The following SNX31 variants were observed in gnomAD, a reference collection of about 807,000 sequenced individuals.
SNX31 encodes the protein sorting nexin 31, also known as sorting nexin-31.
Under a neutral mutation model 65.4 loss-of-function variants are expected in SNX31, and 58 were observed. The ratio of observed to expected loss-of-function variants is 0.89; its 90% CI spans 0.72 to 1.10. SNX31 has a LOEUF of 1.10. Among genes scored for constraint, SNX31 ranks in the 50% least tolerant of loss-of-function variants. The pLI is 0.00. For synonymous variants in SNX31, 181 were observed against 190.1 expected, an observed-to-expected ratio of 0.95 and a Z score of 0.39; for missense variants, 523 against 529.7, an observed-to-expected ratio of 0.99 and a Z score of 0.12.
At chr8:100,653,706 G>A (rs1187498329), upstream of SNX31, among the ~76,000 whole-genome samples, 1 of 152,178 alleles carries the variant, frequency 6.6e-6, no homozygotes, top group Non-Finnish European at 1.5e-5. Flanking sequence ...CCCAGTTTGA[G>A]GCACTTTGTT....
intron 7 of SNX31, among the ~76,000 whole-genome samples, chr8:100,611,401 A>G (rs1163339924): frequency 6.6e-6 from 1 of 152,000 alleles, no homozygotes; most frequent in East Asian, 1.9e-4. Flanking sequence ...TTGTTCGCCT[A>G]TCAGTAGAGA....
intron 1 of SNX31, among the ~76,000 whole-genome samples, chr8:100,659,097 G>C (rs1350282806): frequency 1.3e-5 from 2 of 152,098 alleles, no homozygotes; most frequent in Non-Finnish European, 2.9e-5. Context: ...TGTAATACCA[G>C]CACTTTGGGA....
rs1208969301 is a variant in SNX31, at chr8:100,625,027, T to C, written c.321+5300A>G. Among the ~76,000 whole-genome samples, 1 of 152,062 alleles carries C rather than the reference T, an allele frequency of 6.6e-6. No individual in the cohort carries two copies. Among genetic ancestry groups the C allele is most frequent in the Non-Finnish European group, 1.5e-5 (1 of 68,012 alleles). On this transcript the variant is annotated intron_variant, in intron 4 of 13. Transcript: ENST00000311812. This position sits in a 1 kb window ranked among gnomAD's most constrained non-coding sequence, Gnocchi z 4.2. The stretch of plus-strand genomic sequence containing the variant: ...AGTCTCACTATGTTGCCCAGGCTGG[T>C]CTTCAACTCCTGGCCTCAAGTAATT...
At chr8:100,592,905 G>A (rs1246628961) in intron 10 of SNX31, among the ~76,000 whole-genome samples, 1 of 152,166 alleles carries the variant, frequency 6.6e-6, no homozygotes, top group Admixed American at 6.5e-5. Context: ...TATACGGGTC[G>A]GAGTTAGCTC....
chr8:100,653,812 G>C (rs763479640), upstream of SNX31, among the ~76,000 whole-genome samples: 13 of 152,242 alleles, frequency 8.5e-5, no homozygotes, highest in Non-Finnish European at 1.5e-4. Flanking sequence ...GTGCGCATCT[G>C]TGGAGAATGG....
chr8:100,648,266 G>GCAAA lies in SNX31; in HGVS notation c.141+1004_141+1007dup, dbSNP rs149400218. On this transcript the variant is annotated intron_variant, in intron 2 of 13. Coordinates refer to ENST00000311812, the MANE Select transcript of SNX31 (RefSeq NM_152628.4). The surrounding 1 kb of genome is among the most constrained non-coding windows in gnomAD (Gnocchi z 4.3). ...GTCTGAAAAAACTCTCTCAAAACAA[G>GCAAA]CAAACAAACAAAAACAGCTGTTACC... 0.092 allele frequency among the ~76,000 whole-genome samples: 13,724 copies of GCAAA among 148,444 alleles called. 704 individuals carry two copies. Among genetic ancestry groups the GCAAA allele is most frequent in the African/African-American group, 0.11 (4,308 of 40,480 alleles).
chr8:100,611,378 A>G (rs1315288760), intron 7 of SNX31, among the ~76,000 whole-genome samples: 1 of 151,978 alleles, frequency 6.6e-6, no homozygotes, highest in Non-Finnish European at 1.5e-5. Flanking sequence ...CCTGGTTTTC[A>G]AGTCTTACTT....
chr8:100,576,994 C>A lies in SNX31; in HGVS notation c.1227+25G>T. ...CAGATTTATCAAAATTATAATGTACCAATTACATAATTTTACTCACAGACC... is the reference window on the plus strand; with the variant it reads ...CAGATTTATCAAAATTATAATGTACAAATTACATAATTTTACTCACAGACC... On this transcript the variant is annotated intron_variant, in intron 13 of 13. Coordinates refer to ENST00000311812, the MANE Select transcript of SNX31 (RefSeq NM_152628.4). This position sits in a 1 kb window ranked among gnomAD's most constrained non-coding sequence, Gnocchi z 4.8. 1 of 1,575,220 alleles carries A rather than the reference C, an allele frequency of 6.3e-7. No homozygotes were observed. The highest frequency in any genetic ancestry group is 8.7e-7 in the Non-Finnish European group (1 of 1,147,734).
At chr8:100,651,198 T>G (rs966975430), upstream of SNX31, among the ~76,000 whole-genome samples, 15 of 152,206 alleles carry the variant, frequency 9.9e-5, no homozygotes, top group Non-Finnish European at 1.5e-4. Context: ...CTCTACTTAC[T>G]TCAAGGGAAT....
At chr8:100,657,500 G>T (rs1820070910) in intron 1 of SNX31, among the ~76,000 whole-genome samples, 1 of 151,866 alleles carries the variant, frequency 6.6e-6, no homozygotes, top group Admixed American at 6.6e-5. Flanking sequence ...AAAAGGGAGG[G>T]AAGGGAGCCC....
chr8:100,582,819 A>C (rs1225616590), intron 12 of SNX31, among the ~76,000 whole-genome samples: 2 of 151,304 alleles, frequency 1.3e-5, no homozygotes, highest in African/African-American at 4.8e-5. Flanking sequence ...CTACTAAAAA[A>C]AAAAATACAA....
In SNX31 at chr8:100,640,920, A is replaced by C. The variant is rs563482635; in HGVS notation, c.142-4909T>G. Among the ~76,000 whole-genome samples the C allele has an allele frequency of 2.0e-4, 30 of 152,310 alleles. No individual in the cohort carries two copies. The East Asian group carries it at 5.2e-3, about 26-fold the overall frequency. On this transcript the variant is annotated intron_variant, in intron 2 of 13. Transcript: ENST00000311812. ...GAAATAGGACATTAGGTAAACACTA[A>C]GGAGGTCTGAAAAGTTATAGATTGT... is the stretch of plus-strand genomic sequence containing the variant.
In SNX31 at chr8:100,622,595, G is replaced by C. The variant is rs1817772722; in HGVS notation, c.322-4865C>G. Among the ~76,000 whole-genome samples the C allele has an allele frequency of 6.6e-6, 1 of 151,894 alleles. No homozygotes were observed. Among genetic ancestry groups the C allele is most frequent in the South Asian group, 2.1e-4 (1 of 4,822 alleles). ...GAACCCAGGAGGCGGAGGTTGCAGTGAACTGAGATTGCACCACTGCACTCC... is the reference window on the plus strand; with the variant it reads ...GAACCCAGGAGGCGGAGGTTGCAGTCAACTGAGATTGCACCACTGCACTCC... On this transcript the variant is annotated intron_variant, in intron 4 of 13. Transcript: ENST00000311812. This position sits in a 1 kb window ranked among gnomAD's most constrained non-coding sequence, Gnocchi z 5.0.
At chr8:100,651,351 G>C (rs1819967386), upstream of SNX31, among the ~76,000 whole-genome samples, 1 of 152,166 alleles carries the variant, frequency 6.6e-6, no homozygotes, top group African/African-American at 2.4e-5. Flanking sequence ...TCTGGAATCT[G>C]GTCTGATCTT....
intron 8 of SNX31, 140 bp from the exon 9 acceptor site, chr8:100,600,581 T>C (rs1255501793): frequency 3.3e-6 from 2 of 598,108 alleles, no homozygotes; most frequent in Non-Finnish European, 2.8e-6. Context: ...ATAAGTCTTA[T>C]TTTTTAAATT....
chr8:100,621,157 C>A (rs938612530), intron 4 of SNX31, among the ~76,000 whole-genome samples: 1 of 151,810 alleles, frequency 6.6e-6, no homozygotes, highest in Non-Finnish European at 1.5e-5. Flanking sequence ...AAAACAAAAA[C>A]CAAAAAATAA....
At chr8:100,621,538 A>T (rs112229549) in intron 4 of SNX31, among the ~76,000 whole-genome samples, 2,662 of 152,224 alleles carry the variant, frequency 0.017, 76 homozygotes, top group African/African-American at 0.061. Flanking sequence ...ATCTCTTGAG[A>T]CCATCTCCAT....
chr8:100,581,323 ATCTATCTATCTATC>A (rs1193793552), intron 12 of SNX31, among the ~76,000 whole-genome samples: 23 of 125,152 alleles, frequency 1.8e-4, no homozygotes, highest in African/African-American at 8.5e-4. Context: ...ATATATCTAT[ATCTATCTATCTATC>A]TATATATATA....
Position 100,575,111 on chromosome 8 carries a change from T to A in SNX31, c.1228-1151A>T, listed in dbSNP as rs1370016392. 2.0e-5 allele frequency among the ~76,000 whole-genome samples: 3 copies of A among 152,208 alleles called. No homozygotes were observed. Among genetic ancestry groups the A allele is most frequent in the Admixed American group, 2.0e-4 (3 of 15,284 alleles). Reference sequence around the variant, plus strand: ...CAGTGGGCAGATGGGCTACAACTTTTTTTCTACGAGGGATTTGTTTTGATA... The same window carrying A: ...CAGTGGGCAGATGGGCTACAACTTTATTTCTACGAGGGATTTGTTTTGATA... On this transcript the variant is annotated intron_variant, in intron 13 of 13. Coordinates refer to ENST00000311812, the MANE Select transcript of SNX31 (RefSeq NM_152628.4). This position sits in a 1 kb window ranked among gnomAD's most constrained non-coding sequence, Gnocchi z 5.1.
Sources: gnomAD v4.1 joint callset for allele counts (sites outside exome capture counted in the v4.1 genomes callset) on GRCh38, gnomAD v4.1.1 for gene constraint, Gnocchi (gnomAD v3.1) non-coding constraint, MANE v1.5 for transcripts, NCBI Gene and HGNC (gene_info 2026-07-23, HGNC 2026-07-21) for gene names.